DMRT1: variants seen among roughly 807,000 people sequenced by gnomAD.
DMRT1 encodes the protein doublesex- and mab-3-related transcription factor 1.
DMRT1 carries 7 observed loss-of-function variants against 32.3 expected under a neutral mutation model. That is an observed-to-expected ratio of 0.22 (90% CI 0.12 to 0.41). DMRT1 has a LOEUF of 0.41. Ranked by LOEUF, DMRT1 falls within the 10% of genes least tolerant of loss-of-function variation. DMRT1 has a pLI of 1.00. For missense variants in DMRT1, 625 were observed against 500.5 expected (o/e 1.25, Z -2.37); for synonymous variants, 278 against 206.1 (o/e 1.35, Z -2.99).
chr9:961,772 A>G (rs948880594), intron 4 of DMRT1, among the ~76,000 whole-genome samples: 2 of 152,224 alleles, frequency 1.3e-5, no homozygotes, highest in African/African-American at 2.4e-5. Flanking sequence ...TGATGCGTTC[A>G]AAAGCAAGAA....
At chr9:927,159 C>T (rs1564256409) in intron 4 of DMRT1, among the ~76,000 whole-genome samples, 2 of 152,326 alleles carry the variant, frequency 1.3e-5, no homozygotes, top group Middle Eastern at 3.4e-3. Context: ...TTCAGAGGCA[C>T]GGCCCAGGCC....
rs539832157 is a variant in DMRT1, at chr9:908,734, T to C, written c.823-8029T>C. On this transcript the variant is annotated intron_variant, in intron 3 of 4. Transcript: ENST00000382276. ...TGCATGTGTAGTGGGAAATTTGGGA[T>C]TTGCAACTTAAAACATCTTAAATGA... Among the ~76,000 whole-genome samples, 3 of 152,250 alleles carry C rather than the reference T, an allele frequency of 2.0e-5. No homozygotes were observed. The East Asian group carries it at 5.8e-4, about 29-fold the overall frequency.
intron 4 of DMRT1, among the ~76,000 whole-genome samples, chr9:934,138 G>A (rs1818812009): frequency 6.6e-6 from 1 of 152,198 alleles, no homozygotes; most frequent in African/African-American, 2.4e-5. Context: ...GGAGCAGCAT[G>A]TGAGCCTTGG....
chr9:936,912 C>G (rs1371284317), intron 4 of DMRT1, among the ~76,000 whole-genome samples: 1 of 152,140 alleles, frequency 6.6e-6, no homozygotes, highest in Non-Finnish European at 1.5e-5. Context: ...CATTCACAAT[C>G]TTGTATAACC....
At position 862,092 on chromosome 9, in the gene DMRT1, G is replaced by C. The variant is rs75545047; in HGVS notation, c.538+14949G>C. The stretch of plus-strand genomic sequence containing the variant: ...AGGCAGAGACGCTCCTCACTTCCTA[G>C]ACGGGGTGGCGGCTGGGCAGAGGCT... On this transcript the variant is annotated intron_variant, in intron 2 of 4. Coordinates refer to ENST00000382276, the MANE Select transcript of DMRT1 (RefSeq NM_021951.3). 5.1e-3 allele frequency among the ~76,000 whole-genome samples: 633 copies of C among 124,360 alleles called. 5 individuals are homozygous for C. The highest frequency in any genetic ancestry group is 8.2e-3 in the Non-Finnish European group (459 of 56,124). The allele number at this position is 124,360 out of a possible 152,430, so 81.6% of individuals were successfully genotyped here. A position where few individuals can be genotyped will look rare whatever the true frequency, so the allele number is the denominator to read the frequency against.
At chr9:946,513 G>A (rs1819251543) in intron 4 of DMRT1, among the ~76,000 whole-genome samples, 1 of 152,016 alleles carries the variant, frequency 6.6e-6, no homozygotes, top group South Asian at 2.1e-4. Context: ...TACAAGAGTG[G>A]GTCACAGGTC....
At chr9:902,562 C>T (rs1216999473) in intron 3 of DMRT1, among the ~76,000 whole-genome samples, 1 of 151,186 alleles carries the variant, frequency 6.6e-6, no homozygotes, top group Non-Finnish European at 1.5e-5. Context: ...TTTCTCGGCT[C>T]ACTGCAACCT....
intron 3 of DMRT1, among the ~76,000 whole-genome samples, chr9:907,818 C>G (rs1586600926): frequency 1.7e-5 from 2 of 119,626 alleles, no homozygotes; most frequent in East Asian, 4.8e-4. Flanking sequence ...ATACAGTTCT[C>G]TAAAATATAT....
At chr9:870,429 T>C (rs1236556269) in intron 2 of DMRT1, among the ~76,000 whole-genome samples, 1 of 133,642 alleles carries the variant, frequency 7.5e-6, no homozygotes, top group Non-Finnish European at 1.7e-5. Context: ...AACAACAACA[T>C]AGCTCTGGTC....
intron 4 of DMRT1, among the ~76,000 whole-genome samples, chr9:942,452 T>G (rs1199638685): frequency 6.6e-6 from 1 of 152,112 alleles, no homozygotes; most frequent in Non-Finnish European, 1.5e-5. Context: ...TTTTAATATT[T>G]TGTAGCGATG....
At chr9:915,795 C>T (rs562582262) in intron 3 of DMRT1, among the ~76,000 whole-genome samples, 12 of 151,518 alleles carry the variant, frequency 7.9e-5, no homozygotes, top group Admixed American at 1.3e-4. Flanking sequence ...TGCAGTGGCG[C>T]GATCTCGGCT....
chr9:841,837 C>G lies in DMRT1; in HGVS notation c.-2C>G, dbSNP rs142703931. 3.7e-6 allele frequency: 6 copies of G among 1,609,778 alleles called. No homozygotes were observed. The highest frequency in any genetic ancestry group is 1.7e-4 in the Middle Eastern group (1 of 5,842). On this transcript the variant is annotated 5_prime_UTR_variant, in exon 1 of 5. Transcript: ENST00000382276. Reference sequence around the variant, plus strand: ...AGTGCTCGCACTTCTCCTAGGGGCACCATGCCCAACGACGAGGCATTCAGC... The same window carrying G: ...AGTGCTCGCACTTCTCCTAGGGGCAGCATGCCCAACGACGAGGCATTCAGC...
rs578088123 is a variant in DMRT1, at chr9:861,373, C to T, written c.538+14230C>T. ...GACACAGCACATGTTTCAGAGAGCA[C>T]GGGGTTGGGGGTAAGGTTATAGATT... is the stretch of plus-strand genomic sequence containing the variant. On this transcript the variant is annotated intron_variant, in intron 2 of 4. Transcript: ENST00000382276. 1.8e-4 allele frequency among the ~76,000 whole-genome samples: 27 copies of T among 152,158 alleles called. No homozygotes were observed. The South Asian group carries it at 4.8e-3, about 27-fold the overall frequency.
chr9:861,525 A>G lies in DMRT1; in HGVS notation c.538+14382A>G, dbSNP rs188522276. On this transcript the variant is annotated intron_variant, in intron 2 of 4. Coordinates refer to ENST00000382276, the MANE Select transcript of DMRT1 (RefSeq NM_021951.3). ...TTTTCCCCACATTTCCCCCTTTTCT[A>G]TTCGACAAAACCGCCATTGTCATCA... Among the ~76,000 whole-genome samples the G allele has an allele frequency of 5.7e-3, 871 of 152,316 alleles. 6 individuals are homozygous for G. The highest frequency in any genetic ancestry group is 0.019 in the African/African-American group (800 of 41,566).
rs146200210 is a variant in DMRT1 at position 892,431 on chromosome 9, C to T, written c.539-1481C>T. Among the ~76,000 whole-genome samples, 1,346 of 152,092 alleles carry T rather than the reference C, an allele frequency of 8.8e-3. 18 individuals are homozygous for T. The highest frequency in any genetic ancestry group is 0.029 in the African/African-American group (1,211 of 41,472). On this transcript the variant is annotated intron_variant, in intron 2 of 4. Coordinates refer to ENST00000382276, the MANE Select transcript of DMRT1 (RefSeq NM_021951.3). ...CCCTCCACCTGCACACCTGCCCACCCTCTGCTCTACACACCCAGGCTCCTG... is the reference window on the plus strand; with the variant it reads ...CCCTCCACCTGCACACCTGCCCACCTTCTGCTCTACACACCCAGGCTCCTG...
Position 872,253 on chromosome 9 carries a change from G to A in DMRT1, c.539-21659G>A, listed in dbSNP as rs894184079. 7.2e-5 allele frequency among the ~76,000 whole-genome samples: 11 copies of A among 151,818 alleles called. 1 individual carries two copies. Among genetic ancestry groups the A allele is most frequent in the Non-Finnish European group, 1.2e-4 (8 of 67,994 alleles). On this transcript the variant is annotated intron_variant, in intron 2 of 4. Transcript: ENST00000382276. The stretch of plus-strand genomic sequence containing the variant: ...ATTTTTTGTATTTTTAGTAGAGATA[G>A]GGTTTCACCATGTTGGCCAGGCTGG...
At chr9:893,492 T>G (rs1347451447) in intron 2 of DMRT1, among the ~76,000 whole-genome samples, 2 of 152,240 alleles carry the variant, frequency 1.3e-5, no homozygotes, top group African/African-American at 2.4e-5. Flanking sequence ...TTCACCTAAA[T>G]TCACCTAAAC....
chr9:945,656 T>C (rs940807866), intron 4 of DMRT1, among the ~76,000 whole-genome samples: 58 of 151,266 alleles, frequency 3.8e-4, no homozygotes, highest in African/African-American at 1.3e-3. Flanking sequence ...GACAGCTTTA[T>C]TTTTTTTTCT....
intron 2 of DMRT1, among the ~76,000 whole-genome samples, chr9:857,475 C>G (rs1311998734): frequency 6.6e-6 from 1 of 151,994 alleles, no homozygotes; most frequent in Non-Finnish European, 1.5e-5. Context: ...TTTGCTGTAG[C>G]TGTATTATTG....
Sources: allele counts gnomAD v4.1 joint callset (sites outside exome capture counted in the v4.1 genomes callset), GRCh38; gene constraint gnomAD v4.1.1; transcripts MANE v1.5; gene names NCBI Gene and HGNC (gene_info 2026-07-23, HGNC 2026-07-21).